Variants in SLC28A1 observed in about 807,000 individuals in gnomAD.
SLC28A1 encodes the protein solute carrier family 28 member 1.
A neutral mutation model predicts 74.8 loss-of-function variants in SLC28A1; 64 were observed. The observed-to-expected ratio is 0.86, with a 90% confidence interval of 0.70 to 1.05. The LOEUF is 1.05. SLC28A1 is among the 50% of genes least tolerant of loss of function. SLC28A1 has a pLI of 0.00. For missense variants in SLC28A1, 828 were observed against 822.8 expected, an observed-to-expected ratio of 1.01 and a Z score of -0.08; for synonymous variants, 359 against 335.0, an observed-to-expected ratio of 1.07 and a Z score of -0.78.
intron 6 of SLC28A1, among the ~76,000 whole-genome samples, chr15:84,897,746 T>C (rs553988110): frequency 6.6e-6 from 1 of 152,238 alleles, no homozygotes; most frequent in Non-Finnish European, 1.5e-5. Context: ...TCTCAAACTG[T>C]ATATTTGTAC....
At chr15:84,911,721 T>C (rs1250182335) in intron 9 of SLC28A1, among the ~76,000 whole-genome samples, 1 of 151,788 alleles carries the variant, frequency 6.6e-6, no homozygotes, top group Non-Finnish European at 1.5e-5. Flanking sequence ...TAGCCAGGCA[T>C]GGTGGCGGGC....
chr15:84,962,570 T>C, the SLC28A1 span, among the ~76,000 whole-genome samples: 1 of 152,102 alleles, frequency 6.6e-6, no homozygotes, highest in South Asian at 2.1e-4. Flanking sequence ...CTGGAGTAGC[T>C]GGAACTATAG....
At chr15:84,912,804 GCGCA>G (rs1481277754) in intron 9 of SLC28A1, among the ~76,000 whole-genome samples, 1 of 58,656 alleles carries the variant, frequency 1.7e-5, no homozygotes, top group Non-Finnish European at 4.2e-5. Flanking sequence ...TTTTGCGCGC[GCGCA>G]CACACACACA....
In SLC28A1 at chr15:84,886,715, T is replaced by A; in HGVS notation, c.-89T>A. The A allele has an allele frequency of 2.0e-6, 2 of 985,504 alleles. No individual in the cohort carries two copies. Among genetic ancestry groups the A allele is most frequent in the Non-Finnish European group, 2.4e-6 (2 of 829,962 alleles). 61.0% of individuals were successfully genotyped at this position (985,504 alleles called of 1,614,324 possible). ...CAAGGCAAGCCAGAGCCAAAGCAGGTTGGACCCAGCTTGTCCCCACAGAGA... is the reference window on the plus strand; with the variant it reads ...CAAGGCAAGCCAGAGCCAAAGCAGGATGGACCCAGCTTGTCCCCACAGAGA... On this transcript the variant is annotated 5_prime_UTR_variant, in exon 2 of 19. It adds an upstream start codon to the 5' untranslated region. Coordinates refer to ENST00000394573, the MANE Select transcript of SLC28A1 (RefSeq NM_004213.5).
At position 84,895,076 on chromosome 15, in the gene SLC28A1, G is replaced by T. The variant is rs749213690; in HGVS notation, c.414G>T (p.Arg138Ser). The change falls in exon 6 of 19, where the codon AGG becomes AGT. Residue 138 changes from arginine (R) to serine (S), a missense_variant. Physicochemically the swap from Arg to Ser is moderately radical, Grantham distance 110. Transcript: ENST00000394573. The part of the protein sequence containing the change: ...LKRLLGPKLR[R>S]FLKPQGHPRL... ...GGCTTCTGGGGCCAAAGCTGAGGAG[G>T]TTTCTCAAGCCTCAGGGCCATCCCC... 6 of 1,597,714 alleles carry T rather than the reference G, an allele frequency of 3.8e-6. No homozygotes were observed. The African/African-American group carries it at 7.1e-5, about 19-fold the overall frequency.
Position 84,945,282 on chromosome 15 carries a change from A to G in SLC28A1, c.*82A>G. On this transcript the variant is annotated 3_prime_UTR_variant, in exon 19 of 19. Coordinates refer to ENST00000394573, the MANE Select transcript of SLC28A1 (RefSeq NM_004213.5). ...TCTGTCCCCACCTTCCCTTTCCCAG[A>G]GCCCTCTTCAGGGAAGCCACAGGAC... 1 of 1,332,864 alleles carries G rather than the reference A, an allele frequency of 7.5e-7. No homozygotes were observed. The allele number at this position is 1,332,864 out of a possible 1,614,324, so 82.6% of individuals were successfully genotyped here.
intron 6 of SLC28A1, 190 bp downstream of exon 6, chr15:84,895,313 T>C: frequency 1.9e-6 from 3 of 1,605,846 alleles, no homozygotes; most frequent in Non-Finnish European, 2.6e-6. Context: ...CACCAGTTCT[T>C]AGTCCCAGTT....
At chr15:84,930,701 G>A (rs1022535321) in intron 12 of SLC28A1, among the ~76,000 whole-genome samples, 2 of 148,790 alleles carry the variant, frequency 1.3e-5, no homozygotes, top group South Asian at 4.2e-4. Context: ...TGCCTCCTGG[G>A]TTCTACCCAT....
chr15:84,931,819 C>T (rs1260295282), intron 12 of SLC28A1, among the ~76,000 whole-genome samples: 1 of 151,348 alleles, frequency 6.6e-6, no homozygotes, highest in Admixed American at 6.6e-5. Context: ...CTGGCCAACA[C>T]GGTGAAACGC....
the SLC28A1 span, among the ~76,000 whole-genome samples, chr15:84,969,149 C>A: frequency 6.6e-6 from 1 of 152,222 alleles, no homozygotes; most frequent in East Asian, 1.9e-4. Flanking sequence ...GTGGCTGAGT[C>A]TCTGCGGAAG....
rs557818675 is a variant in SLC28A1, at chr15:84,885,726, C to T, written c.-132-946C>T. ...AGCCTGGGCAACAAGAGTGAAACTC[C>T]GTCTCAAAAAAAAAAAAAAAAAGGA... On this transcript the variant is annotated intron_variant, in intron 1 of 18. Transcript: ENST00000394573. Among the ~76,000 whole-genome samples, 475 of 113,846 alleles carry T rather than the reference C, an allele frequency of 4.2e-3. 5 individuals carry two copies. The highest frequency in any genetic ancestry group is 0.012 in the African/African-American group (317 of 27,334). The allele number at this position is 113,846 out of a possible 152,430, so 74.7% of individuals were successfully genotyped here. A position where few individuals can be genotyped will look rare whatever the true frequency, so the allele number is the denominator to read the frequency against.
At chr15:84,926,993 A>C (rs890131290) in intron 12 of SLC28A1, among the ~76,000 whole-genome samples, 3 of 152,120 alleles carry the variant, frequency 2.0e-5, no homozygotes, top group Non-Finnish European at 2.9e-5. Context: ...TCAGCTCTAC[A>C]TGCCACAGAG....
chr15:84,942,951 G>A (rs1786820724), intron 15 of SLC28A1, among the ~76,000 whole-genome samples: 1 of 152,124 alleles, frequency 6.6e-6, no homozygotes, highest in Non-Finnish European at 1.5e-5. Flanking sequence ...TTGGGAGGCT[G>A]AGGTGGGCAG....
intron 9 of SLC28A1, among the ~76,000 whole-genome samples, chr15:84,917,809 C>T (rs1165199785): frequency 1.3e-5 from 2 of 152,096 alleles, no homozygotes; most frequent in Non-Finnish European, 2.9e-5. Context: ...TACTAAACAT[C>T]AGACTACAGT....
intron 6 of SLC28A1, among the ~76,000 whole-genome samples, chr15:84,897,476 A>G (rs1392961781): frequency 2.0e-5 from 3 of 152,216 alleles, no homozygotes; most frequent in Admixed American, 6.5e-5. Flanking sequence ...TGCAGAAGTA[A>G]TTGTGGTTTT....
intron 12 of SLC28A1, among the ~76,000 whole-genome samples, chr15:84,927,029 G>A (rs963165863): frequency 2.0e-5 from 3 of 152,136 alleles, no homozygotes; most frequent in African/African-American, 4.8e-5. Context: ...CAGCTGTTGC[G>A]TGACTTTTCA....
At chr15:84,952,307 T>G in the SLC28A1 span, among the ~76,000 whole-genome samples, 1 of 152,136 alleles carries the variant, frequency 6.6e-6, no homozygotes, top group African/African-American at 2.4e-5. Flanking sequence ...ACAGACATCT[T>G]TCCTATCTTT....
At chr15:84,951,943 G>T in the SLC28A1 span, among the ~76,000 whole-genome samples, 1 of 152,200 alleles carries the variant, frequency 6.6e-6, no homozygotes, top group African/African-American at 2.4e-5. Context: ...AAGGCAAGGC[G>T]AGGCAAGGGA....
At chr15:84,884,779 G>A in intron 1 of SLC28A1, 28 bp downstream of exon 1, 1 of 978,626 alleles carries the variant, frequency 1.0e-6, no homozygotes, top group Non-Finnish European at 1.2e-6. Flanking sequence ...TAGGAGAGGA[G>A]GGAAGGCGGG....
Sources: gnomAD v4.1 joint callset for allele counts (sites outside exome capture counted in the v4.1 genomes callset) on GRCh38, gnomAD v4.1.1 for gene constraint, MANE v1.5 for transcripts, NCBI Gene and HGNC (gene_info 2026-07-23, HGNC 2026-07-21) for gene names.